Variants in EDEM3 observed in about 807,000 individuals in gnomAD.
The protein encoded by EDEM3 is ER degradation enhancing alpha-mannosidase like protein 3, also known as ER degradation-enhancing alpha-mannosidase-like protein 3.
Under a neutral mutation model 110.2 loss-of-function variants are expected in EDEM3, and 60 were observed. That is an observed-to-expected ratio of 0.54 (90% CI 0.44 to 0.67). EDEM3 has a LOEUF of 0.67. EDEM3 is among the 30% of genes least tolerant of loss of function. The probability of loss-of-function intolerance (pLI) is 0.00; values close to 1 mark genes in which losing one functional copy is unlikely to be tolerated. For synonymous variants in EDEM3, 352 were observed against 382.9 expected, an observed-to-expected ratio of 0.92 and a Z score of 0.94; for missense variants, 996 against 1,121.0, an observed-to-expected ratio of 0.89 and a Z score of 1.59.
chr1:184,746,340 G>A (rs531689332), intron 2 of EDEM3, among the ~76,000 whole-genome samples: 34 of 152,332 alleles, frequency 2.2e-4, no homozygotes, highest in African/African-American at 6.7e-4. Flanking sequence ...GAATGTATGC[G>A]CTTTAAGCAA....
chr1:184,749,730 C>T, intron 1 of EDEM3, 138 bp from the exon 2 acceptor site: 3 of 670,114 alleles, frequency 4.5e-6, no homozygotes, highest in Non-Finnish European at 4.8e-6. Flanking sequence ...TAGAAAGGGA[C>T]ATAAACAGAA....
Position 184,706,642 on chromosome 1 carries a change from C to T in EDEM3, c.2203+1G>A. The T allele has an allele frequency of 6.2e-7, 1 of 1,609,216 alleles. No homozygotes were observed. The highest frequency in any genetic ancestry group is 8.5e-7 in the Non-Finnish European group (1 of 1,176,526). On this transcript the variant is annotated splice_donor_variant, in intron 18 of 19. Coordinates refer to ENST00000318130, the MANE Select transcript of EDEM3 (RefSeq NM_025191.4). LOFTEE classifies it high-confidence loss of function. ...ACACAATGACATGGATGATTACTTA[C>T]CAATAACAATGCCACCAATGGCTCC...
rs149304336 is a variant in EDEM3, at chr1:184,708,248, G to C, written c.1942C>G (p.Arg648Gly). Reference sequence around the variant, plus strand: ...GGGTGGGAAACAATTTGTACAGCTCGTGGAGGCAGCTGCTGTTCTTTTTGT... The same window carrying C: ...GGGTGGGAAACAATTTGTACAGCTCCTGGAGGCAGCTGCTGTTCTTTTTGT... ...QQQKEQQLPPRAVQIVSHPFF... is the reference protein window; with the variant it reads ...QQQKEQQLPPGAVQIVSHPFF... Residue 648 changes from arginine to glycine, a missense_variant, in exon 17 of 20, where the codon CGA (arginine) becomes GGA (glycine). Coordinates refer to ENST00000318130, the MANE Select transcript of EDEM3 (RefSeq NM_025191.4). The C allele has an allele frequency of 6.2e-7, 1 of 1,613,552 alleles. No individual in the cohort carries two copies. The highest frequency in any genetic ancestry group is 8.5e-7 in the Non-Finnish European group (1 of 1,179,842).
At chr1:184,749,944 T>C (rs908020063) in intron 1 of EDEM3, among the ~76,000 whole-genome samples, 1 of 152,228 alleles carries the variant, frequency 6.6e-6, no homozygotes, top group African/African-American at 2.4e-5. Flanking sequence ...TTAACGTATC[T>C]GTCTTGAAGC....
Position 184,738,131 on chromosome 1 carries a change from C to T in EDEM3, c.205-420G>A, listed in dbSNP as rs80174867. ...CTTAAATAATGGAGTTTTCTTCCCACGTTTTTAGAATGTTACAGATGTACT... is the reference window on the plus strand; with the variant it reads ...CTTAAATAATGGAGTTTTCTTCCCATGTTTTTAGAATGTTACAGATGTACT... On this transcript the variant is annotated intron_variant, in intron 2 of 19. Transcript: ENST00000318130. 2.9e-3 allele frequency among the ~76,000 whole-genome samples: 437 copies of T among 152,224 alleles called. 5 individuals are homozygous for T. The East Asian group carries it at 0.036, about 13-fold the overall frequency.
chr1:184,702,594 T>C (rs1649684135), intron 19 of EDEM3, among the ~76,000 whole-genome samples: 1 of 152,158 alleles, frequency 6.6e-6, no homozygotes, highest in Non-Finnish European at 1.5e-5. Flanking sequence ...CATAAAAACA[T>C]ATGTCTAAAA....
intron 6 of EDEM3, among the ~76,000 whole-genome samples, chr1:184,731,583 C>T (rs1651519450): frequency 6.6e-6 from 1 of 152,166 alleles, no homozygotes; most frequent in African/African-American, 2.4e-5. Flanking sequence ...TTTCCACTGG[C>T]TGTCCTTCCT....
At chr1:184,734,692 A>G (rs1651727462) in intron 4 of EDEM3, 49 bp from the exon 5 acceptor site, 4 of 666,958 alleles carry the variant, frequency 6.0e-6, no homozygotes, top group African/African-American at 3.7e-5. Context: ...CAAGACAAGG[A>G]GAAACGTTCC....
chr1:184,706,142 A>G (rs1274130182), intron 18 of EDEM3, among the ~76,000 whole-genome samples: 1 of 152,144 alleles, frequency 6.6e-6, no homozygotes, highest in Non-Finnish European at 1.5e-5. Flanking sequence ...TATCAAATAA[A>G]AAAAAATTAT....
Position 184,712,534 on chromosome 1 carries a change from CTTCT to C in EDEM3, c.1431_1434del (p.Glu478ThrfsTer6), listed in dbSNP as rs1553269733. 2 of 1,596,892 alleles carry C rather than the reference CTTCT, an allele frequency of 1.3e-6. No homozygotes were observed. Among genetic ancestry groups the C allele is most frequent in the East Asian group, 2.3e-5 (1 of 44,288 alleles). Reference sequence around the variant, plus strand: ...TAATCTTCTATGTCAAAAATAATGTCTTCTTTATCAGCAAATAACAGGTAAAGAT... The same window carrying C: ...TAATCTTCTATGTCAAAAATAATGTCTTATCAGCAAATAACAGGTAAAGAT... On this transcript the variant is annotated frameshift_variant, in exon 14 of 20. Coordinates refer to ENST00000318130, the MANE Select transcript of EDEM3 (RefSeq NM_025191.4). LOFTEE classifies it high-confidence loss of function.
At chr1:184,719,648 A>G in intron 9 of EDEM3, 80 bp from the exon 10 acceptor site, 1 of 1,374,328 alleles carries the variant, frequency 7.3e-7, no homozygotes, top group South Asian at 1.6e-5. Flanking sequence ...AGCACTGTGA[A>G]TAAATTAAAC....
chr1:184,746,097 G>A (rs1003221242), intron 2 of EDEM3, among the ~76,000 whole-genome samples: 1 of 152,154 alleles, frequency 6.6e-6, no homozygotes, highest in African/African-American at 2.4e-5. Context: ...AATTCACTGT[G>A]GGTAAACTGC....
At position 184,710,515 on chromosome 1, in the gene EDEM3, G is replaced by C; in HGVS notation, c.1724C>G (p.Pro575Arg). The change falls in exon 16 of 20, where the codon CCT becomes CGT. Residue 575 changes from proline (P) to arginine (R), a missense_variant. Transcript: ENST00000318130. Reference sequence around the variant, plus strand: ...GGCCATGAAATCTCTGGCTCTCAGAGGGGGTTTAGCTCCACTCCTGAAACT... The same window carrying C: ...GGCCATGAAATCTCTGGCTCTCAGACGGGGTTTAGCTCCACTCCTGAAACT... ...EESFRSGAKP[P>R]LRARDFMATN... The C allele has an allele frequency of 6.2e-7, 1 of 1,613,764 alleles. No homozygotes were observed. The highest frequency in any genetic ancestry group is 8.5e-7 in the Non-Finnish European group (1 of 1,179,800).
chr1:184,714,353 CAGT>C (rs1650424837), intron 13 of EDEM3, among the ~76,000 whole-genome samples: 1 of 152,160 alleles, frequency 6.6e-6, no homozygotes. Flanking sequence ...AAATTGCTAA[CAGT>C]GGTAATCTTA....
chr1:184,703,138 A>G, intron 18 of EDEM3, 142 bp from the exon 19 acceptor site: 2 of 674,568 alleles, frequency 3.0e-6, no homozygotes, highest in Non-Finnish European at 4.6e-6. Flanking sequence ...TTTTGGACCC[A>G]TTAATTCTCA....
At chr1:184,720,067 T>G (rs193137669) in intron 9 of EDEM3, among the ~76,000 whole-genome samples, 3 of 152,316 alleles carry the variant, frequency 2.0e-5, no homozygotes, top group Admixed American at 1.3e-4. Flanking sequence ...CTTATTATGG[T>G]CTTAGAAAAC....
chr1:184,753,804 C>T (rs1652913529), intron 1 of EDEM3, among the ~76,000 whole-genome samples: 1 of 152,138 alleles, frequency 6.6e-6, no homozygotes, highest in Admixed American at 6.5e-5. Context: ...CCTACTGGTT[C>T]TTCGCTTTTT....
At chr1:184,746,150 AAT>A (rs1346979827) in intron 2 of EDEM3, among the ~76,000 whole-genome samples, 3 of 152,250 alleles carry the variant, frequency 2.0e-5, no homozygotes, top group African/African-American at 7.2e-5. Flanking sequence ...AGTCGTTATT[AAT>A]AGTCATGCCA....
chr1:184,733,193 T>G (rs1651624939), intron 5 of EDEM3, among the ~76,000 whole-genome samples: 1 of 152,222 alleles, frequency 6.6e-6, no homozygotes, highest in Non-Finnish European at 1.5e-5. Context: ...AAATTAGATA[T>G]TCTATCCTGT....
Sources: gnomAD v4.1 joint callset for allele counts (sites outside exome capture counted in the v4.1 genomes callset) on GRCh38, gnomAD v4.1.1 for gene constraint, MANE v1.5 for transcripts, NCBI Gene and HGNC (gene_info 2026-07-23, HGNC 2026-07-21) for gene names.